Variants in CCT6B observed in about 807,000 individuals in gnomAD.
CCT6B encodes the protein probable T-complex protein 1 subunit zeta-2.
In CCT6B, 49 loss-of-function variants were observed where a neutral mutation model predicts 61.5. The observed-to-expected ratio is 0.80, with a 90% CI of 0.63 to 1.01. The LOEUF (loss-of-function observed/expected upper bound fraction) is 1.01, where lower values mean the gene tolerates loss of function less well. CCT6B is among the 50% of genes least tolerant of loss of function. The pLI is 0.00. For missense variants in CCT6B, 666 were observed against 634.7 expected (o/e 1.05, Z -0.53); for synonymous variants, 228 against 214.5 (o/e 1.06, Z -0.55).
intron 4 of CCT6B, among the ~76,000 whole-genome samples, chr17:34,952,670 C>A (rs1158239055): frequency 6.6e-6 from 1 of 152,024 alleles, no homozygotes; most frequent in Non-Finnish European, 1.5e-5. Flanking sequence ...CAGGGATATA[C>A]AATTTAAGAA....
intron 10 of CCT6B, among the ~76,000 whole-genome samples, chr17:34,932,777 T>G (rs897814448): frequency 2.6e-5 from 4 of 152,156 alleles, no homozygotes; most frequent in African/African-American, 7.2e-5. Context: ...CATCTTACTC[T>G]TTTATAACTA....
At chr17:34,944,690 G>A (rs2090203827) in intron 5 of CCT6B, among the ~76,000 whole-genome samples, 1 of 152,252 alleles carries the variant, frequency 6.6e-6, no homozygotes, top group African/African-American at 2.4e-5. Flanking sequence ...ACTTTGGGAG[G>A]CCGAGGCAGG....
At chr17:34,945,365 C>T (rs1234294009) in intron 5 of CCT6B, among the ~76,000 whole-genome samples, 2 of 152,190 alleles carry the variant, frequency 1.3e-5, no homozygotes, top group Non-Finnish European at 2.9e-5. Flanking sequence ...TCAAACATAA[C>T]ATTCCCAAAC....
intron 3 of CCT6B, 39 bp downstream of exon 3, chr17:34,958,521 G>T (rs1321279355): frequency 3.8e-6 from 5 of 1,307,360 alleles, no homozygotes; most frequent in Non-Finnish European, 5.1e-6. Flanking sequence ...AAAATAATTT[G>T]CCATTCAAAA....
intron 5 of CCT6B, among the ~76,000 whole-genome samples, chr17:34,950,113 C>T (rs982858265): frequency 7.9e-5 from 12 of 152,088 alleles, no homozygotes; most frequent in Non-Finnish European, 1.5e-4. Flanking sequence ...ACTAAAATTT[C>T]CCCATGTTAA....
chr17:34,936,144 T>C (rs1032603757), intron 10 of CCT6B, among the ~76,000 whole-genome samples: 3 of 152,090 alleles, frequency 2.0e-5, no homozygotes, highest in African/African-American at 7.2e-5. Flanking sequence ...AGAGACAGTT[T>C]CACCATGTTG....
At chr17:34,932,187 T>A (rs529657046) in intron 11 of CCT6B, among the ~76,000 whole-genome samples, 180 bp downstream of exon 11, 13 of 152,288 alleles carry the variant, frequency 8.5e-5, no homozygotes, top group South Asian at 2.1e-4. Flanking sequence ...CGTGCAAGGA[T>A]CCTGGGCTGT....
intron 1 of CCT6B, 71 bp from the exon 2 acceptor site, chr17:34,959,721 C>A: frequency 1.9e-6 from 2 of 1,066,540 alleles, no homozygotes; most frequent in South Asian, 1.3e-5. Flanking sequence ...CTCCATTATC[C>A]TTAATAGAGG....
In CCT6B at chr17:34,959,596, G is replaced by A. The variant is rs747517292; in HGVS notation, c.192C>T (p.Leu64=). The A allele has an allele frequency of 1.6e-5, 26 of 1,611,470 alleles. 1 individual carries two copies. The highest frequency in any genetic ancestry group is 3.3e-4 in the Middle Eastern group (2 of 6,052). Residue 64 remains leucine (L), a synonymous_variant, in exon 2 of 14, where the codon CTC becomes CTT. Transcript: ENST00000314144. ...IKLTKDGNVL[L]DEMQIQHPTA... is the part of the protein sequence containing the mutation. ...AGCAGCATCAGCTCACCATCTCATCGAGCAGCACATTGCCATCTTTGGTGA... is the reference window on the plus strand; with the variant it reads ...AGCAGCATCAGCTCACCATCTCATCAAGCAGCACATTGCCATCTTTGGTGA...
At chr17:34,951,317 T>C (rs1405511159) in intron 5 of CCT6B, among the ~76,000 whole-genome samples, 1 of 152,148 alleles carries the variant, frequency 6.6e-6, no homozygotes, top group African/African-American at 2.4e-5. Flanking sequence ...TTACAGGTGG[T>C]ATATGATGTC....
intron 9 of CCT6B, 127 bp downstream of exon 9, chr17:34,939,490 C>T: frequency 2.5e-6 from 2 of 814,986 alleles, no homozygotes; most frequent in Non-Finnish European, 3.9e-6. Flanking sequence ...GGTAAATAAA[C>T]TGTAAAATCT....
chr17:34,961,270 C>CT lies in CCT6B; in HGVS notation c.123dup (p.Gly42ArgfsTer12). 6.2e-7 allele frequency: 1 copy of CT among 1,610,186 alleles called. No individual in the cohort carries two copies. Among genetic ancestry groups the CT allele is most frequent in the Non-Finnish European group, 8.5e-7 (1 of 1,178,582 alleles). On this transcript the variant is annotated frameshift_variant, in exon 1 of 14. Transcript: ENST00000314144. LOFTEE classifies it high-confidence loss of function. ...CCGCTGTCTCACATTTTCATGGTGC[C>CT]TTTAGGACCCAAGTTGGTCCGCAGC...
rs1597736423 is a variant in CCT6B at position 34,932,369 on chromosome 17, T to C, written c.1345A>G (p.Lys449Glu). The change falls in exon 11 of 14, where the codon AAG (lysine) becomes GAG (glutamate). Residue 449 changes from lysine to glutamate, a missense_variant and splice_region_variant. Physicochemically the swap from Lys to Glu is moderately conservative, Grantham distance 56 (BLOSUM62 1). Transcript: ENST00000314144. ...TTTGGCCGAAAGGGTAGTTGTACCT[T>C]GGGAATAATGAGTAAGGCATCAGCA... is the stretch of plus-strand genomic sequence containing the variant. ...AFADALLIIPKVLAQNAGYDP... is the reference protein window; with the variant it reads ...AFADALLIIPEVLAQNAGYDP... 2 of 1,606,104 alleles carry C rather than the reference T, an allele frequency of 1.2e-6. No individual in the cohort carries two copies. The highest frequency in any genetic ancestry group is 8.5e-7 in the Non-Finnish European group (1 of 1,177,572).
intron 3 of CCT6B, among the ~76,000 whole-genome samples, chr17:34,955,398 T>C (rs916176121): frequency 1.3e-5 from 2 of 152,190 alleles, no homozygotes; most frequent in East Asian, 1.9e-4. Flanking sequence ...AATTCCCTGG[T>C]TTTAAGAAAT....
chr17:34,955,173 T>A (rs1597761080), intron 3 of CCT6B, among the ~76,000 whole-genome samples: 1 of 152,156 alleles, frequency 6.6e-6, no homozygotes. Flanking sequence ...TCATGAAGCA[T>A]AAAAGGCAGC....
chr17:34,932,219 T>C, intron 11 of CCT6B, 148 bp downstream of exon 11: 1 of 684,786 alleles, frequency 1.5e-6, no homozygotes, highest in Non-Finnish European at 2.2e-6. Flanking sequence ...TTTCCCTGCT[T>C]TAGTTGTAAA....
chr17:34,942,897 T>C lies in CCT6B; in HGVS notation c.624A>G (p.Gln208=). The C allele has an allele frequency of 6.3e-7, 1 of 1,586,460 alleles. No homozygotes were observed. Among genetic ancestry groups the C allele is most frequent in the Non-Finnish European group, 8.6e-7 (1 of 1,160,986 alleles). ...HKLGTDTKLI[Q]GLVLDHGARH... Reference sequence around the variant, plus strand: ...GGGCACCATGATCCAAAACTAATCCTTGGATCAACCTATTAAAAATATTAA... The same window carrying C: ...GGGCACCATGATCCAAAACTAATCCCTGGATCAACCTATTAAAAATATTAA... The change falls in exon 6 of 14, where the codon CAA becomes CAG. Residue 208 remains glutamine, a synonymous_variant. Transcript: ENST00000314144.
chr17:34,941,138 A>C (rs1357623636), intron 7 of CCT6B, among the ~76,000 whole-genome samples: 8 of 152,214 alleles, frequency 5.3e-5, no homozygotes, highest in Admixed American at 2.6e-4. Context: ...CTCAGTAAGT[A>C]ATAGTTTCTC....
rs546667153 is a variant in CCT6B at position 34,933,489 on chromosome 17, C to T, written c.1214-989G>A. Among the ~76,000 whole-genome samples the T allele has an allele frequency of 3.1e-4, 47 of 152,258 alleles. No individual in the cohort carries two copies. The South Asian group carries it at 9.1e-3, about 30-fold the overall frequency. On this transcript the variant is annotated intron_variant, in intron 10 of 13. Transcript: ENST00000314144. ...TCACTGCTTCACTTCACAACATAACCGCTCAAAGAGTTGTTTACCCACCAG... is the reference window on the plus strand; with the variant it reads ...TCACTGCTTCACTTCACAACATAACTGCTCAAAGAGTTGTTTACCCACCAG...
Sources: allele counts gnomAD v4.1 joint callset (sites outside exome capture counted in the v4.1 genomes callset), GRCh38; gene constraint gnomAD v4.1.1; transcripts MANE v1.5; gene names NCBI Gene and HGNC (gene_info 2026-07-23, HGNC 2026-07-21).